C7: variants seen among roughly 807,000 people sequenced by gnomAD.
C7 encodes complement C7, also known as complement component C7.
A neutral mutation model predicts 104.8 loss-of-function variants in C7; 83 were observed. That is an observed-to-expected ratio of 0.79 (90% confidence interval 0.66 to 0.95). The LOEUF is 0.95. Ranked by LOEUF, C7 falls within the 40% of genes least tolerant of loss-of-function variation. C7 has a pLI of 0.00. For missense variants in C7, 1,070 were observed against 1,011.2 expected (o/e 1.06, Z -0.79); for synonymous variants, 415 against 360.6 (o/e 1.15, Z -1.71).
At chr5:40,941,876 T>C (rs1484860999) in intron 6 of C7, among the ~76,000 whole-genome samples, 1 of 152,146 alleles carries the variant, frequency 6.6e-6, no homozygotes, top group Non-Finnish European at 1.5e-5. Flanking sequence ...ATTATTGGTA[T>C]AAGAATGGTA....
Position 40,934,326 on chromosome 5 carries a change from C to T in C7, c.140C>T (p.Thr47Ile), listed in dbSNP as rs41271063. ...SECNGCTKTQTRRRSVAVYGQ... is the reference protein window; with the variant it reads ...SECNGCTKTQIRRRSVAVYGQ... ...AACCACTGCCTGCTTTGTGTTTAGA[C>T]TCGCAGGCGGTCAGTTGCTGTGTAT... Residue 47 changes from threonine (T) to isoleucine (I), a missense_variant and splice_region_variant, in exon 4 of 18, where the codon ACT becomes ATT. Transcript: ENST00000313164. 46 of 1,591,168 alleles carry T rather than the reference C, an allele frequency of 2.9e-5. No individual in the cohort carries two copies. Among genetic ancestry groups the T allele is most frequent in the African/African-American group, 1.1e-4 (8 of 74,408 alleles).
chr5:40,958,167 G>C lies in C7; in HGVS notation c.1395G>C (p.Leu465Phe), dbSNP rs753870337. The C allele has an allele frequency of 6.2e-7, 1 of 1,613,784 alleles. No homozygotes were observed. Among genetic ancestry groups the C allele is most frequent in the Non-Finnish European group, 8.5e-7 (1 of 1,179,770 alleles). The change falls in exon 11 of 18, where the codon TTG (leucine) becomes TTC (phenylalanine). Residue 465 changes from leucine (L) to phenylalanine (F), a missense_variant. By Grantham distance (22) the Leu-to-Phe change is conservative. Coordinates refer to ENST00000313164, the MANE Select transcript of C7 (RefSeq NM_000587.4). The part of the protein sequence containing the change: ...CHCRPCQNGG[L>F]ATVEGTHCLC... The stretch of plus-strand genomic sequence containing the variant: ...GCCGGCCTTGTCAAAATGGTGGTTT[G>C]GCTACTGTTGAGGGGACCCATTGTC...
chr5:40,979,359 A>G (rs1740888438), intron 16 of C7, among the ~76,000 whole-genome samples: 1 of 152,100 alleles, frequency 6.6e-6, no homozygotes, highest in Non-Finnish European at 1.5e-5. Flanking sequence ...CCATTTGACT[A>G]TGATCACATT....
In C7 at chr5:40,964,651, A is replaced by G. The variant is rs899702515; in HGVS notation, c.1750-90A>G. The G allele has an allele frequency of 9.5e-6, 11 of 1,155,672 alleles. No homozygotes were observed. The African/African-American group carries it at 1.7e-4, about 18-fold the overall frequency. The allele number at this position is 1,155,672 out of a possible 1,614,324, so 71.6% of individuals were successfully genotyped here. A position where few individuals can be genotyped will look rare whatever the true frequency, so the allele number is the denominator to read the frequency against. On this transcript the variant is annotated intron_variant, in intron 13 of 17. Transcript: ENST00000313164. ...ATTAAATGTAGCTTGCCTGATGATT[A>G]TGATTTATAGACTGAATATATGTAA...
At chr5:40,981,360 T>C (rs1278751212) in intron 17 of C7, 32 bp from the exon 18 acceptor site, 11 of 1,589,848 alleles carry the variant, frequency 6.9e-6, no homozygotes, top group Non-Finnish European at 9.4e-6. Context: ...CTCCACAATG[T>C]ACCATTAAGC....
intron 1 of C7, among the ~76,000 whole-genome samples, chr5:40,916,060 A>G (rs567198418): frequency 3.7e-4 from 56 of 150,658 alleles, no homozygotes; most frequent in Non-Finnish European, 7.1e-4. Flanking sequence ...TTTGAATTGT[A>G]TCTTCTCCAT....
At chr5:40,966,260 C>A (rs188054017) in intron 14 of C7, among the ~76,000 whole-genome samples, 11 of 152,100 alleles carry the variant, frequency 7.2e-5, no homozygotes, top group African/African-American at 9.7e-5. Flanking sequence ...TCCCTTACCC[C>A]CTTCCCACCC....
chr5:40,969,504 AT>A (rs1421372936), intron 14 of C7, among the ~76,000 whole-genome samples: 1 of 152,174 alleles, frequency 6.6e-6, no homozygotes, highest in Non-Finnish European at 1.5e-5. Context: ...TAAAAATTGG[AT>A]GATGCTATCT....
At chr5:40,941,051 GA>G (rs1234536869) in intron 6 of C7, among the ~76,000 whole-genome samples, 1 of 148,820 alleles carries the variant, frequency 6.7e-6, no homozygotes, top group African/African-American at 2.5e-5. Flanking sequence ...AAGAGTGCAA[GA>G]GGAACACTTC....
In C7 at chr5:40,959,559, T is replaced by C. The variant is rs769454744; in HGVS notation, c.1600T>C (p.Ser534Pro). Residue 534 changes from serine (S) to proline (P), a missense_variant, in exon 12 of 18, where the codon TCC becomes CCC. By Grantham distance (74) the Ser-to-Pro change is moderately conservative. Transcript: ENST00000313164. ...NNPPPSGGGRSCVGETTESTQ... is the reference protein window; with the variant it reads ...NNPPPSGGGRPCVGETTESTQ... Reference sequence around the variant, plus strand: ...CCCACCTCCCAGTGGGGGTGGGAGATCCTGCGTTGGAGAAACGACAGAAAG... The same window carrying C: ...CCCACCTCCCAGTGGGGGTGGGAGACCCTGCGTTGGAGAAACGACAGAAAG... The C allele has an allele frequency of 9.9e-6, 16 of 1,610,428 alleles. No individual in the cohort carries two copies. The highest frequency in any genetic ancestry group is 1.3e-5 in the Non-Finnish European group (15 of 1,178,926).
intron 1 of C7, among the ~76,000 whole-genome samples, chr5:40,918,511 G>C (rs1421120773): frequency 6.6e-6 from 1 of 151,986 alleles, no homozygotes; most frequent in Non-Finnish European, 1.5e-5. Flanking sequence ...GTAAGTGAAT[G>C]AATAAAAAAA....
chr5:40,912,751 C>T (rs192674678), intron 1 of C7, among the ~76,000 whole-genome samples: 31 of 152,256 alleles, frequency 2.0e-4, no homozygotes, highest in Non-Finnish European at 4.6e-4. Flanking sequence ...AGAACAAGTA[C>T]TCAAGATTTT....
At chr5:40,964,533 CAGTGGTATTAA>C in intron 13 of C7, 197 bp from the exon 14 acceptor site, 1 of 468,228 alleles carries the variant, frequency 2.1e-6, no homozygotes, top group Non-Finnish European at 3.9e-6. Context: ...ACATTATAGA[CAGTGGTATTAA>C]TAGTTTTATT....
chr5:40,931,588 A>G (rs1370612109), intron 3 of C7, among the ~76,000 whole-genome samples: 1 of 104,460 alleles, frequency 9.6e-6, no homozygotes, highest in Non-Finnish European at 2.3e-5. Flanking sequence ...CATGAAAAAA[A>G]TTTTGCAAAA....
intron 14 of C7, among the ~76,000 whole-genome samples, chr5:40,971,600 A>G (rs972519059): frequency 6.6e-6 from 1 of 151,914 alleles, no homozygotes; most frequent in Admixed American, 6.6e-5. Context: ...ATTAGATCCC[A>G]TTTGTCAATT....
At chr5:40,955,333 T>C (rs1025573596) in intron 9 of C7, 54 bp from the exon 10 acceptor site, 2 of 1,534,636 alleles carry the variant, frequency 1.3e-6, no homozygotes, top group Admixed American at 2.2e-5. Context: ...AATTTGATAG[T>C]TTTTTTAAAT....
chr5:40,943,116 T>C (rs16870537), intron 6 of C7, among the ~76,000 whole-genome samples: 18,120 of 152,136 alleles, frequency 0.12, 2,314 homozygotes, highest in African/African-American at 0.32. Context: ...TAGCAGGTCA[T>C]CTAGGCAAGG....
chr5:40,968,474 T>C (rs1286985678), intron 14 of C7, among the ~76,000 whole-genome samples: 1 of 150,802 alleles, frequency 6.6e-6, no homozygotes, highest in Non-Finnish European at 1.5e-5. Context: ...ATTAATTCTC[T>C]GTATATTTCT....
chr5:40,950,550 G>C (rs962731152), intron 9 of C7, among the ~76,000 whole-genome samples: 9 of 152,034 alleles, frequency 5.9e-5, no homozygotes, highest in African/African-American at 2.2e-4. Context: ...ATCTCCAAAG[G>C]CTTTTGAGGC....
Sources: gnomAD v4.1 joint callset for allele counts (sites outside exome capture counted in the v4.1 genomes callset) on GRCh38, gnomAD v4.1.1 for gene constraint, MANE v1.5 for transcripts, NCBI Gene and HGNC (gene_info 2026-07-23, HGNC 2026-07-21) for gene names.